Variants in UBE2R2 observed in about 807,000 individuals in gnomAD.
The protein encoded by UBE2R2 is ubiquitin conjugating enzyme E2 R2.
UBE2R2 carries 1 observed loss-of-function variant against 27.8 expected under a neutral mutation model. The observed-to-expected ratio is 0.04, with a 90% CI of 0.01 to 0.17. The LOEUF (loss-of-function observed/expected upper bound fraction) is 0.17, where lower values mean the gene tolerates loss of function less well. UBE2R2 is among the 10% of genes least tolerant of loss of function. The pLI is 1.00. For synonymous variants in UBE2R2, 106 were observed against 113.3 expected (o/e 0.94, Z 0.41); for missense variants, 100 against 291.0 (o/e 0.34, Z 4.78).
At chr9:33,821,059 T>C (rs1825973418) in intron 1 of UBE2R2, among the ~76,000 whole-genome samples, 1 of 152,246 alleles carries the variant, frequency 6.6e-6, no homozygotes, top group African/African-American at 2.4e-5. Context: ...TTTCTTATTT[T>C]GCTACCTAAG....
At chr9:33,859,440 C>G (rs546770902) in intron 1 of UBE2R2, among the ~76,000 whole-genome samples, 1 of 152,222 alleles carries the variant, frequency 6.6e-6, no homozygotes, top group East Asian at 1.9e-4. Context: ...GAGAATATCC[C>G]TGTTTTAACA....
At chr9:33,840,490 C>T (rs978625876) in intron 1 of UBE2R2, among the ~76,000 whole-genome samples, 1 of 152,110 alleles carries the variant, frequency 6.6e-6, no homozygotes, top group Non-Finnish European at 1.5e-5. Context: ...TGATTGTACA[C>T]TCATGTTGCA....
At chr9:33,825,951 T>G (rs1231074944) in intron 1 of UBE2R2, among the ~76,000 whole-genome samples, 1 of 152,108 alleles carries the variant, frequency 6.6e-6, no homozygotes, top group Non-Finnish European at 1.5e-5. Context: ...AAGACCAGCA[T>G]AGCCAATATG....
intron 1 of UBE2R2, among the ~76,000 whole-genome samples, chr9:33,882,836 C>G (rs1821758548): frequency 6.6e-6 from 1 of 152,150 alleles, no homozygotes; most frequent in South Asian, 2.1e-4. Flanking sequence ...TACCTGTAAT[C>G]CTAGCACTTT....
At chr9:33,916,764 ATT>A (rs1027270719) in intron 4 of UBE2R2, among the ~76,000 whole-genome samples, 3 of 152,186 alleles carry the variant, frequency 2.0e-5, no homozygotes, top group Non-Finnish European at 4.4e-5. Context: ...TCTGGCTATA[ATT>A]GATCCACTGC....
intron 2 of UBE2R2, among the ~76,000 whole-genome samples, chr9:33,890,771 C>G (rs931201387): frequency 1.3e-5 from 2 of 152,198 alleles, no homozygotes; most frequent in Non-Finnish European, 1.5e-5. Context: ...GATCATGCCA[C>G]TGTACTCCAG....
intron 1 of UBE2R2, among the ~76,000 whole-genome samples, chr9:33,836,101 T>C (rs1432950497): frequency 2.0e-5 from 3 of 152,084 alleles, no homozygotes; most frequent in Non-Finnish European, 4.4e-5. Context: ...GTCAGGAGTT[T>C]GAGACCAGCC....
chr9:33,867,140 G>A (rs547857348), intron 1 of UBE2R2, among the ~76,000 whole-genome samples: 11 of 151,920 alleles, frequency 7.2e-5, no homozygotes, highest in East Asian at 3.9e-4. Context: ...TGCCCGCCTC[G>A]GCCTCCAAAA....
At chr9:33,858,513 C>G (rs552753778) in intron 1 of UBE2R2, among the ~76,000 whole-genome samples, 1 of 152,228 alleles carries the variant, frequency 6.6e-6, no homozygotes, top group East Asian at 1.9e-4. Context: ...CTCCCAGGCT[C>G]AAGCAGTCTT....
chr9:33,874,774 C>G (rs1259409665), intron 1 of UBE2R2, among the ~76,000 whole-genome samples: 1 of 152,000 alleles, frequency 6.6e-6, no homozygotes, highest in African/African-American at 2.4e-5. Flanking sequence ...GCAATCTTCC[C>G]ACCTCAGCCT....
chr9:33,900,016 A>T (rs375523158), intron 2 of UBE2R2, among the ~76,000 whole-genome samples, 158 bp from the exon 3 acceptor site: 2 of 152,212 alleles, frequency 1.3e-5, no homozygotes, highest in African/African-American at 2.4e-5. Context: ...TAAAATGCTT[A>T]ATTATTATTT....
At position 33,918,935 on chromosome 9, in the gene UBE2R2, C is replaced by G. The variant is rs1822726704; in HGVS notation, c.*1698C>G. On this transcript the variant is annotated 3_prime_UTR_variant, in exon 5 of 5. Coordinates refer to ENST00000263228, the MANE Select transcript of UBE2R2 (RefSeq NM_017811.4). ...AACTCCCAAACACATGACTTCTTCC[C>G]AGCAGCCCTTCCCGGCCTCTAAAGT... The G allele has an allele frequency of 6.5e-6, 1 of 153,294 alleles. No individual in the cohort carries two copies. The highest frequency in any genetic ancestry group is 2.4e-5 in the African/African-American group (1 of 41,432). 9.5% of individuals were successfully genotyped at this position (153,294 alleles called of 1,614,324 possible).
At chr9:33,854,901 G>T (rs1821064701) in intron 1 of UBE2R2, among the ~76,000 whole-genome samples, 1 of 151,666 alleles carries the variant, frequency 6.6e-6, no homozygotes, top group Admixed American at 6.6e-5. Context: ...TTTTGTAGAA[G>T]CAGTTTCACT....
At chr9:33,830,427 G>A (rs1359168644) in intron 1 of UBE2R2, among the ~76,000 whole-genome samples, 1 of 150,152 alleles carries the variant, frequency 6.7e-6, no homozygotes, top group East Asian at 2.0e-4. Context: ...AAAGTGCTGG[G>A]ATTACAGGCA....
At chr9:33,902,676 T>A (rs1192621337) in intron 3 of UBE2R2, among the ~76,000 whole-genome samples, 1 of 152,246 alleles carries the variant, frequency 6.6e-6, no homozygotes, top group East Asian at 1.9e-4. Context: ...AATAATTGTT[T>A]TGAGCTGTTT....
rs936633485 is a variant in UBE2R2 at position 33,870,792 on chromosome 9, A to T, written c.178-16089A>T. 2.6e-5 allele frequency among the ~76,000 whole-genome samples: 4 copies of T among 152,216 alleles called. No homozygotes were observed. The South Asian group carries it at 6.2e-4, about 24-fold the overall frequency. ...TTAGCTCAATGGCTGACATATAGTA[A>T]GCACTTAATGAGTATTATTTATCAC... On this transcript the variant is annotated intron_variant, in intron 1 of 4. Coordinates refer to ENST00000263228, the MANE Select transcript of UBE2R2 (RefSeq NM_017811.4).
chr9:33,887,056 T>C, intron 2 of UBE2R2, 89 bp downstream of exon 2: 1 of 1,065,958 alleles, frequency 9.4e-7, no homozygotes, highest in Non-Finnish European at 1.4e-6. Context: ...ACTTTGATAC[T>C]TAGGCTTTTG....
At chr9:33,824,558 G>A (rs1397469972) in intron 1 of UBE2R2, among the ~76,000 whole-genome samples, 1 of 151,686 alleles carries the variant, frequency 6.6e-6, no homozygotes, top group Non-Finnish European at 1.5e-5. Context: ...AGAATGGCGT[G>A]AACCCGGGAG....
intron 1 of UBE2R2, among the ~76,000 whole-genome samples, chr9:33,862,778 AT>A (rs1284289631): frequency 6.6e-6 from 1 of 152,080 alleles, no homozygotes; most frequent in Non-Finnish European, 1.5e-5. Context: ...AATTTTAAAC[AT>A]TTCCCCCATT....
Sources: allele counts gnomAD v4.1 joint callset (sites outside exome capture counted in the v4.1 genomes callset), GRCh38; gene constraint gnomAD v4.1.1; transcripts MANE v1.5; gene names NCBI Gene and HGNC (gene_info 2026-07-23, HGNC 2026-07-21).